Variants in GIGYF2 observed in about 807,000 individuals in gnomAD.
The protein encoded by GIGYF2 is GRB10 interacting GYF protein 2, also known as GRB10-interacting GYF protein 2.
A neutral mutation model predicts 208.1 loss-of-function variants in GIGYF2; 25 were observed. That is an observed-to-expected ratio of 0.12 (90% confidence interval 0.09 to 0.17). The LOEUF is 0.17. GIGYF2 is among the 10% of genes least tolerant of loss of function. The pLI is 1.00. For missense variants in GIGYF2, 1,302 were observed against 1,579.4 expected (o/e 0.82, Z 2.98); for synonymous variants, 534 against 543.8 (o/e 0.98, Z 0.25).
intron 21 of GIGYF2, among the ~76,000 whole-genome samples, chr2:232,830,908 A>G (rs1701408158): frequency 6.6e-6 from 1 of 152,222 alleles, no homozygotes; most frequent in Non-Finnish European, 1.5e-5. Flanking sequence ...TGGCTATGAC[A>G]GTTTCTTAGA....
In GIGYF2 at chr2:232,840,003, A is replaced by G. The variant is rs530503199; in HGVS notation, c.2889+32A>G. On this transcript the variant is annotated intron_variant, in intron 23 of 28. Transcript: ENST00000373563. ...TTTTAAAGTAAAAGGGATCTAGTCAAGCGATGTTCCAGAATATCTAGCATG... is the reference window on the plus strand; with the variant it reads ...TTTTAAAGTAAAAGGGATCTAGTCAGGCGATGTTCCAGAATATCTAGCATG... The G allele has an allele frequency of 6.1e-4, 980 of 1,607,956 alleles. 16 individuals carry two copies. The South Asian group carries it at 0.01, about 17-fold the overall frequency.
chr2:232,720,138 C>A (rs564500409), intron 2 of GIGYF2, among the ~76,000 whole-genome samples: 1 of 152,148 alleles, frequency 6.6e-6, no homozygotes. Context: ...TGTTCCCCAC[C>A]CTGTGTCCAA....
At position 232,723,437 on chromosome 2, in the gene GIGYF2, T is replaced by C. The variant is rs186955006; in HGVS notation, c.-43-11718T>C. 2.2e-3 allele frequency among the ~76,000 whole-genome samples: 323 copies of C among 149,648 alleles called. 1 individual carries two copies. Among genetic ancestry groups the C allele is most frequent in the African/African-American group, 7.7e-3 (316 of 41,000 alleles). ...AGCTAAGATTCTTTTCTTTTCTTTTTTTTTTTTTTTTGAGACAGAGTCTCG... is the reference window on the plus strand; with the variant it reads ...AGCTAAGATTCTTTTCTTTTCTTTTCTTTTTTTTTTTGAGACAGAGTCTCG... On this transcript the variant is annotated intron_variant, in intron 2 of 28. Coordinates refer to ENST00000373563, the MANE Select transcript of GIGYF2 (RefSeq NM_001103146.3).
intron 14 of GIGYF2, among the ~76,000 whole-genome samples, chr2:232,798,114 A>C (rs762652970): frequency 6.6e-6 from 1 of 152,018 alleles, no homozygotes; most frequent in Non-Finnish European, 1.5e-5. Flanking sequence ...GCAATGACTA[A>C]TCTGTTCTCC....
In GIGYF2 at chr2:232,709,768, C is replaced by T. The variant is rs577278898; in HGVS notation, c.-44+6279C>T. On this transcript the variant is annotated intron_variant, in intron 2 of 28. Coordinates refer to ENST00000373563, the MANE Select transcript of GIGYF2 (RefSeq NM_001103146.3). ...AGGTTTCAGTGAGCCGAGATTGCAC[C>T]ACTGCACTCCAGCCTGGGCAACAGA... 5.7e-3 allele frequency among the ~76,000 whole-genome samples: 871 copies of T among 151,792 alleles called. 3 individuals are homozygous for T. The highest frequency in any genetic ancestry group is 0.02 in the African/African-American group (830 of 41,422).
intron 13 of GIGYF2, among the ~76,000 whole-genome samples, chr2:232,795,555 A>G (rs1385563369): frequency 6.6e-6 from 1 of 152,202 alleles, no homozygotes; most frequent in African/African-American, 2.4e-5. Flanking sequence ...TTCTTTTTAC[A>G]GGTTTAGTTT....
At chr2:232,777,812 C>A (rs1171382333) in intron 8 of GIGYF2, among the ~76,000 whole-genome samples, 1 of 151,822 alleles carries the variant, frequency 6.6e-6, no homozygotes, top group Non-Finnish European at 1.5e-5. Context: ...GTATCAATTC[C>A]CAGCTAACAA....
At chr2:232,851,412 C>CTTTTT (rs1690324136) in intron 28 of GIGYF2, among the ~76,000 whole-genome samples, 4 of 138,730 alleles carry the variant, frequency 2.9e-5, no homozygotes, top group Non-Finnish European at 4.9e-5. Context: ...ATGAAACTAA[C>CTTTTT]ATTTTTTTTT....
At chr2:232,843,186 A>G (rs1701881082) in intron 23 of GIGYF2, 1 of 96,224 alleles carries the variant, frequency 1.0e-5, no homozygotes, top group Non-Finnish European at 2.1e-5. Flanking sequence ...TGTGTGTATA[A>G]TCTGTCATTT....
At chr2:232,714,208 C>A (rs1696567253) in intron 2 of GIGYF2, among the ~76,000 whole-genome samples, 1 of 152,120 alleles carries the variant, frequency 6.6e-6, no homozygotes, top group Non-Finnish European at 1.5e-5. Flanking sequence ...GTCTCGGCCT[C>A]CCAAAGTGCT....
At chr2:232,711,254 CTTT>C (rs34701447) in intron 2 of GIGYF2, among the ~76,000 whole-genome samples, 6 of 124,894 alleles carry the variant, frequency 4.8e-5, no homozygotes, top group Non-Finnish European at 5.0e-5. Flanking sequence ...CCTGGCTAAT[CTTT>C]TTTTTTTTTT....
Position 232,794,732 on chromosome 2 carries a change from G to T in GIGYF2, c.1283-16G>T, listed in dbSNP as rs1198314311. The T allele has an allele frequency of 6.2e-7, 1 of 1,604,018 alleles. No homozygotes were observed. ...TCTGTATTTCAAAGGATTTTCATCT[G>T]ATTTTTTCCCCCTAGAAATGGTTGC... On this transcript the variant is annotated splice_polypyrimidine_tract_variant and intron_variant, in intron 12 of 28. Transcript: ENST00000373563.
rs376008280 is a variant in GIGYF2, at chr2:232,810,076, C to T, written c.1898+265C>T. On this transcript the variant is annotated intron_variant, in intron 16 of 28. Transcript: ENST00000373563. ...GATCTCGGCTCACTGCAACCTCTGC[C>T]TTCCTGGTTCCATTGATTCTCGTGC... 1.3e-4 allele frequency among the ~76,000 whole-genome samples: 20 copies of T among 152,348 alleles called. 1 individual carries two copies. The South Asian group carries it at 3.7e-3, about 28-fold the overall frequency.
At chr2:232,854,221 G>T (rs935655586) in intron 28 of GIGYF2, among the ~76,000 whole-genome samples, 1 of 152,188 alleles carries the variant, frequency 6.6e-6, no homozygotes, top group Non-Finnish European at 1.5e-5. Context: ...GGTCAGGCAC[G>T]GTGACTCATG....
chr2:232,810,791 T>C (rs1700710847), intron 16 of GIGYF2: 1 of 193,886 alleles, frequency 5.2e-6, no homozygotes, highest in African/African-American at 2.4e-5. Flanking sequence ...TTACCTAAAT[T>C]TTTCCAAGTT....
At chr2:232,733,401 C>T (rs544756296) in intron 2 of GIGYF2, among the ~76,000 whole-genome samples, 1 of 152,100 alleles carries the variant, frequency 6.6e-6, no homozygotes, top group Non-Finnish European at 1.5e-5. Flanking sequence ...GCTTGGTTGA[C>T]ACAGGGCTGG....
chr2:232,712,251 C>T lies in GIGYF2; in HGVS notation c.-44+8762C>T, dbSNP rs563989021. ...ATTCTTTCAAGTCAAAATTATGTTCCGTGAAAAAAAGCAGCTAGTTGAGCT... is the reference window on the plus strand; with the variant it reads ...ATTCTTTCAAGTCAAAATTATGTTCTGTGAAAAAAAGCAGCTAGTTGAGCT... On this transcript the variant is annotated intron_variant, in intron 2 of 28. Transcript: ENST00000373563. Among the ~76,000 whole-genome samples, 13 of 152,114 alleles carry T rather than the reference C, an allele frequency of 8.5e-5. No individual in the cohort carries two copies. The East Asian group carries it at 1.7e-3, about 20-fold the overall frequency.
Position 232,755,529 on chromosome 2 carries a change from A to G in GIGYF2, c.268-694A>G, listed in dbSNP as rs77246553. ...GCCAGGAGAACCCTTGGCTACAGAC[A>G]TACCAAAGGTGCACTCCACTATCTC... On this transcript the variant is annotated intron_variant, in intron 5 of 28. Coordinates refer to ENST00000373563, the MANE Select transcript of GIGYF2 (RefSeq NM_001103146.3). Among the ~76,000 whole-genome samples the G allele has an allele frequency of 5.1e-3, 782 of 152,326 alleles. 12 individuals carry two copies. The highest frequency in any genetic ancestry group is 0.018 in the African/African-American group (761 of 41,564).
chr2:232,698,026 G>A lies in GIGYF2; in HGVS notation c.-110+634G>A, dbSNP rs868539222. Among the ~76,000 whole-genome samples, 6 of 152,172 alleles carry A rather than the reference G, an allele frequency of 3.9e-5. No individual in the cohort carries two copies. In the South Asian group the frequency reaches 6.2e-4, roughly 16 times the overall value. ...TTGGGACCGAGGCTGGGAAACTAGA[G>A]CCCATGGCAGCCTTGGGGACCCAAA... is the stretch of plus-strand genomic sequence containing the variant. On this transcript the variant is annotated intron_variant, in intron 1 of 28. Coordinates refer to ENST00000373563, the MANE Select transcript of GIGYF2 (RefSeq NM_001103146.3).
Sources: gnomAD v4.1 joint callset for allele counts (sites outside exome capture counted in the v4.1 genomes callset) on GRCh38, gnomAD v4.1.1 for gene constraint, MANE v1.5 for transcripts, NCBI Gene and HGNC (gene_info 2026-07-23, HGNC 2026-07-21) for gene names.